Variants in OTUD7A observed in about 807,000 individuals in gnomAD.
OTUD7A encodes the protein OTU deubiquitinase 7A.
A neutral mutation model predicts 65.7 loss-of-function variants in OTUD7A; 12 were observed. That is an observed-to-expected ratio of 0.18 (90% CI 0.12 to 0.30). The LOEUF is 0.30. Ranked by LOEUF, OTUD7A falls within the 10% of genes least tolerant of loss-of-function variation. OTUD7A has a pLI of 1.00. For synonymous variants in OTUD7A, 641 were observed against 586.3 expected (o/e 1.09, Z -1.35); for missense variants, 1,148 against 1,304.8 (o/e 0.88, Z 1.85).
intron 5 of OTUD7A, among the ~76,000 whole-genome samples, chr15:31,541,479 A>G (rs1279517063): frequency 6.6e-6 from 1 of 152,202 alleles, no homozygotes; most frequent in Non-Finnish European, 1.5e-5. Context: ...CAGATAAAGT[A>G]GGGGCTGAAG....
rs574547660 is a variant in OTUD7A at position 31,765,859 on chromosome 15, A to C, written c.-100+104648T>G. 67 of 1,287,434 alleles carry C rather than the reference A, an allele frequency of 5.2e-5. 1 individual carries two copies. In the South Asian group the frequency reaches 6.9e-4, roughly 13 times the overall value. The allele number at this position is 1,287,434 out of a possible 1,614,324, so 79.8% of individuals were successfully genotyped here. A position where few individuals can be genotyped will look rare whatever the true frequency, so the allele number is the denominator to read the frequency against. ...TCCATGGTTGGAAATCTTTTCTGAT[A>C]TATCAAAGGATATTCCTTCTGAAAC... On this transcript the variant is annotated intron_variant, in intron 1 of 12. Transcript: ENST00000307050.
At chr15:31,491,335 G>T (rs1212432859) in intron 10 of OTUD7A, among the ~76,000 whole-genome samples, 1 of 152,162 alleles carries the variant, frequency 6.6e-6, no homozygotes, top group African/African-American at 2.4e-5. Context: ...AAATGAAAAT[G>T]CTAGAAATGA....
At chr15:31,846,800 T>C (rs781411472) in intron 1 of OTUD7A, among the ~76,000 whole-genome samples, 3 of 152,268 alleles carry the variant, frequency 2.0e-5, no homozygotes, top group Non-Finnish European at 2.9e-5. Context: ...TATGATTATT[T>C]ACTTTTTTCG....
intron 1 of OTUD7A, among the ~76,000 whole-genome samples, chr15:31,700,059 C>A (rs1893178822): frequency 6.6e-6 from 1 of 151,516 alleles, no homozygotes; most frequent in South Asian, 2.1e-4. Context: ...ACAGAAGTCA[C>A]CCCCTGCTAA....
chr15:31,635,127 G>A (rs1319745863), intron 3 of OTUD7A, among the ~76,000 whole-genome samples: 2 of 152,196 alleles, frequency 1.3e-5, no homozygotes, highest in Non-Finnish European at 2.9e-5. Context: ...TGTGACTGAA[G>A]CTTTTAAACC....
At chr15:31,559,664 C>G (rs1888623959) in intron 4 of OTUD7A, among the ~76,000 whole-genome samples, 2 of 151,882 alleles carry the variant, frequency 1.3e-5, no homozygotes, top group South Asian at 4.1e-4. Context: ...ACAGTTGGCA[C>G]ATATACTACA....
rs549780328 is a variant in OTUD7A at position 31,822,785 on chromosome 15, G to A, written c.-100+47722C>T. 2.0e-5 allele frequency among the ~76,000 whole-genome samples: 3 copies of A among 152,294 alleles called. No homozygotes were observed. In the South Asian group the frequency reaches 6.2e-4, roughly 32 times the overall value. ...CAAGAGGGCAAATCACTTGGGAAAT[G>A]CACTGTAACACACATTTCTGGAAAT... On this transcript the variant is annotated intron_variant, in intron 1 of 12. Coordinates refer to ENST00000307050, the MANE Select transcript of OTUD7A (RefSeq NM_001382637.1).
At chr15:31,530,835 G>A in intron 5 of OTUD7A, 27 bp from the exon 6 acceptor site, 2 of 1,599,220 alleles carry the variant, frequency 1.3e-6, no homozygotes, top group Non-Finnish European at 1.7e-6. Flanking sequence ...CTTTAGAACA[G>A]GATCCCAGAA....
At chr15:31,775,755 T>C (rs1895362061) in intron 1 of OTUD7A, among the ~76,000 whole-genome samples, 2 of 152,132 alleles carry the variant, frequency 1.3e-5, no homozygotes, top group South Asian at 4.1e-4. Context: ...GACATGGGCA[T>C]GGCAGCAGGG....
chr15:31,683,821 A>C (rs1057103197), intron 1 of OTUD7A, among the ~76,000 whole-genome samples: 2 of 152,132 alleles, frequency 1.3e-5, no homozygotes, highest in Non-Finnish European at 2.9e-5. Flanking sequence ...TATCAAAATA[A>C]CATATAATTT....
intron 8 of OTUD7A, among the ~76,000 whole-genome samples, chr15:31,515,960 A>C (rs2041846936): frequency 6.8e-6 from 1 of 147,944 alleles, no homozygotes; most frequent in South Asian, 2.3e-4. Context: ...CCATCCACCC[A>C]CCCACCTACG....
chr15:31,765,993 A>G, intron 1 of OTUD7A: 1 of 1,538,538 alleles, frequency 6.5e-7, no homozygotes, highest in South Asian at 1.1e-5. Context: ...TTGCTCATCA[A>G]ACTCCTGAGC....
chr15:31,679,858 GA>G (rs997111926), intron 1 of OTUD7A, among the ~76,000 whole-genome samples: 2 of 151,786 alleles, frequency 1.3e-5, no homozygotes, highest in Admixed American at 1.3e-4. Flanking sequence ...TTCTATATGA[GA>G]AAAAAATCAT....
intron 1 of OTUD7A, among the ~76,000 whole-genome samples, chr15:31,792,808 T>A (rs1595772378): frequency 6.6e-6 from 1 of 152,172 alleles, no homozygotes; most frequent in Admixed American, 6.5e-5. Flanking sequence ...CTGGCCCCAG[T>A]GGGACACAAG....
rs1276761899 is a variant in OTUD7A at position 31,480,862 on chromosome 15, C to A, written c.*2432G>T. ...ACAGGCGTCTGGCGCCTCGTTACCA[C>A]ATTGAGAAGCTGGGGTGCAGGATGC... On this transcript the variant is annotated 3_prime_UTR_variant, in exon 13 of 13. Transcript: ENST00000307050. The A allele has an allele frequency of 2.0e-5, 3 of 152,236 alleles. No homozygotes were observed. Among genetic ancestry groups the A allele is most frequent in the South Asian group, 2.1e-4 (1 of 4,830 alleles). The allele number at this position is 152,236 out of a possible 1,614,324, so 9.4% of individuals were successfully genotyped here.
rs570580746 is a variant in OTUD7A, at chr15:31,684,854, C to T, written c.-99-27777G>A. Reference sequence around the variant, plus strand: ...AAGGGCAGGGGACAACACAAAGATGCGATGTCAGGAGGCAGGAATGCTTGG... The same window carrying T: ...AAGGGCAGGGGACAACACAAAGATGTGATGTCAGGAGGCAGGAATGCTTGG... On this transcript the variant is annotated intron_variant, in intron 1 of 12. Coordinates refer to ENST00000307050, the MANE Select transcript of OTUD7A (RefSeq NM_001382637.1). Among the ~76,000 whole-genome samples, 35 of 148,808 alleles carry T rather than the reference C, an allele frequency of 2.4e-4. No individual in the cohort carries two copies. In the South Asian group the frequency reaches 6.4e-3, roughly 27 times the overall value.
chr15:31,592,485 G>C (rs1229241319), intron 3 of OTUD7A, among the ~76,000 whole-genome samples: 2 of 152,062 alleles, frequency 1.3e-5, no homozygotes, highest in East Asian at 3.9e-4. Flanking sequence ...TAGGTCTTCA[G>C]GGGCAGTGAC....
intron 1 of OTUD7A, among the ~76,000 whole-genome samples, chr15:31,786,282 A>G (rs1378036794): frequency 1.3e-5 from 2 of 152,260 alleles, no homozygotes; most frequent in Non-Finnish European, 2.9e-5. Flanking sequence ...ACAGCTGGGC[A>G]TATGATAAGC....
intron 1 of OTUD7A, among the ~76,000 whole-genome samples, chr15:31,713,119 G>A (rs182219322): frequency 2.6e-5 from 4 of 152,308 alleles, no homozygotes; most frequent in Non-Finnish European, 5.9e-5. Context: ...TATGTCCACA[G>A]TAAATGTGCT....
Sources: allele counts gnomAD v4.1 joint callset (sites outside exome capture counted in the v4.1 genomes callset), GRCh38; gene constraint gnomAD v4.1.1; transcripts MANE v1.5; gene names NCBI Gene and HGNC (gene_info 2026-07-23, HGNC 2026-07-21).